The following LRRC4C variants were observed in gnomAD, a reference collection of about 807,000 sequenced individuals.
LRRC4C encodes leucine-rich repeat-containing protein 4C.
Under a neutral mutation model 33.6 loss-of-function variants are expected in LRRC4C, and 5 were observed. The ratio of observed to expected loss-of-function variants is 0.15; its 90% CI spans 0.08 to 0.31. The LOEUF (loss-of-function observed/expected upper bound fraction) is 0.31. LRRC4C is among the 10% of genes least tolerant of loss of function. The pLI, the probability that LRRC4C is intolerant of heterozygous loss-of-function variation, is 1.00. For synonymous variants in LRRC4C, 329 were observed against 302.0 expected (o/e 1.09, Z -0.93); for missense variants, 560 against 796.7 (o/e 0.70, Z 3.58).
chr11:40,415,343 T>A (rs1377433293), intron 3 of LRRC4C, among the ~76,000 whole-genome samples: 1 of 152,136 alleles, frequency 6.6e-6, no homozygotes, highest in African/African-American at 2.4e-5. Flanking sequence ...CCTAATTTTA[T>A]CTTTGAAATT....
chr11:40,562,541 A>T (rs575185742), intron 3 of LRRC4C, among the ~76,000 whole-genome samples: 10 of 152,252 alleles, frequency 6.6e-5, no homozygotes, highest in African/African-American at 2.4e-4. Context: ...CACTCCCATA[A>T]ATATCATGAC....
At chr11:40,576,447 G>C (rs1269044359) in intron 3 of LRRC4C, among the ~76,000 whole-genome samples, 3 of 152,170 alleles carry the variant, frequency 2.0e-5, no homozygotes, top group Non-Finnish European at 4.4e-5. Context: ...GTTGTTAAGA[G>C]TGTATTCCTT....
At chr11:40,916,246 A>T (rs1344871831) in intron 2 of LRRC4C, among the ~76,000 whole-genome samples, 1 of 152,224 alleles carries the variant, frequency 6.6e-6, no homozygotes, top group Non-Finnish European at 1.5e-5. Context: ...ACACATGCAC[A>T]TGTATGTTTA....
At chr11:41,297,550 T>C (rs1950177269) in intron 1 of LRRC4C, among the ~76,000 whole-genome samples, 1 of 152,190 alleles carries the variant, frequency 6.6e-6, no homozygotes, top group Admixed American at 6.5e-5. Flanking sequence ...ACTTAGATTT[T>C]TTGGCAAAAA....
chr11:40,306,162 A>AT (rs1404930369), intron 4 of LRRC4C, among the ~76,000 whole-genome samples: 5 of 152,176 alleles, frequency 3.3e-5, no homozygotes, highest in Admixed American at 3.3e-4. Flanking sequence ...TGTTAAAACT[A>AT]TTTTTTGGAA....
chr11:40,964,742 T>G (rs1218803195), intron 1 of LRRC4C, among the ~76,000 whole-genome samples: 5 of 151,906 alleles, frequency 3.3e-5, no homozygotes, highest in Admixed American at 2.6e-4. Context: ...GGTGTATATG[T>G]GCCACATTTT....
intron 3 of LRRC4C, among the ~76,000 whole-genome samples, chr11:40,580,826 G>A (rs1439919354): frequency 6.6e-6 from 1 of 152,148 alleles, no homozygotes; most frequent in Non-Finnish European, 1.5e-5. Context: ...GGATGAATGG[G>A]CAGTTATTTA....
At chr11:40,360,113 AT>A (rs1418404517) in intron 3 of LRRC4C, among the ~76,000 whole-genome samples, 1 of 152,206 alleles carries the variant, frequency 6.6e-6, no homozygotes, top group Non-Finnish European at 1.5e-5. Context: ...ATGAAAAAAA[AT>A]CTTTTGCAGA....
intron 4 of LRRC4C, among the ~76,000 whole-genome samples, chr11:40,253,315 A>G (rs1164833283): frequency 3.3e-5 from 5 of 152,194 alleles, no homozygotes; most frequent in South Asian, 2.1e-4. Context: ...CTATAAAACA[A>G]TGATCTCCTC....
chr11:40,764,889 C>A (rs951542115), intron 2 of LRRC4C, among the ~76,000 whole-genome samples: 2 of 152,198 alleles, frequency 1.3e-5, no homozygotes, highest in African/African-American at 4.8e-5. Flanking sequence ...CTTGGGGTAA[C>A]CCCTAATGCA....
intron 1 of LRRC4C, among the ~76,000 whole-genome samples, chr11:41,256,000 C>A (rs1262252901): frequency 6.6e-6 from 1 of 151,952 alleles, no homozygotes; most frequent in African/African-American, 2.4e-5. Context: ...AGGGCAACTT[C>A]TTTGGAGTAT....
chr11:40,894,283 C>T (rs887062558), intron 2 of LRRC4C, among the ~76,000 whole-genome samples: 1 of 151,988 alleles, frequency 6.6e-6, no homozygotes, highest in Admixed American at 6.6e-5. Flanking sequence ...TAAATATTCC[C>T]TCAAATCAGT....
At chr11:41,222,746 G>A (rs1216451275) in intron 1 of LRRC4C, 1 of 143,726 alleles carries the variant, frequency 7.0e-6, no homozygotes, top group Admixed American at 7.5e-5. Flanking sequence ...TCCCATGACA[G>A]ACATTTGCCC....
chr11:41,199,986 C>A (rs1946340438), intron 1 of LRRC4C, among the ~76,000 whole-genome samples: 1 of 152,086 alleles, frequency 6.6e-6, no homozygotes, highest in African/African-American at 2.4e-5. Context: ...GAGCCTAAAT[C>A]TCCTTGCTCA....
intron 5 of LRRC4C, among the ~76,000 whole-genome samples, chr11:40,143,230 C>T (rs1156553793): frequency 1.3e-5 from 2 of 152,126 alleles, no homozygotes; most frequent in Non-Finnish European, 2.9e-5. Flanking sequence ...TATTCCATAG[C>T]CTGGTCCAAT....
chr11:40,229,364 C>T (rs1590767293), intron 5 of LRRC4C, among the ~76,000 whole-genome samples: 1 of 152,194 alleles, frequency 6.6e-6, no homozygotes, highest in African/African-American at 2.4e-5. Flanking sequence ...CTTCCGCCTC[C>T]CGGGTTCAGG....
In LRRC4C at chr11:40,304,774, C is replaced by A. The variant is rs555677455; in HGVS notation, c.-176+14854G>T. 9.2e-5 allele frequency among the ~76,000 whole-genome samples: 14 copies of A among 151,696 alleles called. No homozygotes were observed. The South Asian group carries it at 2.7e-3, about 29-fold the overall frequency. ...TGAGACAGAGTCTTGCTCTGTCGCCCAGGCTGGAGTGCAGTGGCGCAATCT... is the reference window on the plus strand; with the variant it reads ...TGAGACAGAGTCTTGCTCTGTCGCCAAGGCTGGAGTGCAGTGGCGCAATCT... On this transcript the variant is annotated intron_variant, in intron 4 of 6. Coordinates refer to ENST00000528697, the MANE Select transcript of LRRC4C (RefSeq NM_001258419.2).
chr11:40,830,534 T>G (rs1952367265), intron 2 of LRRC4C, among the ~76,000 whole-genome samples: 1 of 152,068 alleles, frequency 6.6e-6, no homozygotes, highest in African/African-American at 2.4e-5. Context: ...AGAAATTATA[T>G]ACTGAGTTAA....
At chr11:40,480,674 T>C (rs998282570) in intron 3 of LRRC4C, among the ~76,000 whole-genome samples, 2 of 152,104 alleles carry the variant, frequency 1.3e-5, no homozygotes, top group Non-Finnish European at 2.9e-5. Flanking sequence ...ATTCTTTGTA[T>C]ATATACCATA....
Sources: gnomAD v4.1 joint callset for allele counts (sites outside exome capture counted in the v4.1 genomes callset) on GRCh38, gnomAD v4.1.1 for gene constraint, MANE v1.5 for transcripts, NCBI Gene and HGNC (gene_info 2026-07-23, HGNC 2026-07-21) for gene names.